Variants in FOXP2 observed in about 807,000 individuals in gnomAD.
The protein encoded by FOXP2 is forkhead box protein P2.
Under a neutral mutation model 115.8 loss-of-function variants are expected in FOXP2, and 12 were observed. The ratio of observed to expected loss-of-function variants is 0.10; its 90% CI spans 0.07 to 0.17. The LOEUF is 0.17. Ranked by LOEUF, FOXP2 falls within the 10% of genes least tolerant of loss-of-function variation. The pLI is 1.00. For missense variants in FOXP2, 629 were observed against 843.5 expected (o/e 0.75, Z 3.15); for synonymous variants, 328 against 297.7 (o/e 1.10, Z -1.05).
chr7:114,509,830 A>G (rs1797986961), intron 2 of FOXP2, among the ~76,000 whole-genome samples: 2 of 152,054 alleles, frequency 1.3e-5, no homozygotes, highest in Non-Finnish European at 1.5e-5. Context: ...GTCAGCATAT[A>G]GATGCTATTC....
intron 1 of FOXP2, among the ~76,000 whole-genome samples, chr7:114,130,996 G>A (rs76086831): frequency 0.057 from 8,751 of 152,214 alleles, 363 homozygotes; most frequent in Admixed American, 0.086. Context: ...TGTGAACTTC[G>A]CAGAAATGTT....
At chr7:114,195,819 T>G (rs769447478) in intron 1 of FOXP2, among the ~76,000 whole-genome samples, 3 of 152,128 alleles carry the variant, frequency 2.0e-5, no homozygotes, top group Admixed American at 6.6e-5. Flanking sequence ...CAAAATAAAC[T>G]ATTTTGTGAC....
chr7:114,332,608 C>G (rs1370942397), intron 2 of FOXP2, among the ~76,000 whole-genome samples: 1 of 152,082 alleles, frequency 6.6e-6, no homozygotes, highest in Admixed American at 6.6e-5. Context: ...TTCTGAGCAT[C>G]TCTTTTTTAT....
At chr7:114,325,076 T>G (rs1797523897) in intron 2 of FOXP2, among the ~76,000 whole-genome samples, 1 of 152,038 alleles carries the variant, frequency 6.6e-6, no homozygotes, top group African/African-American at 2.4e-5. Context: ...TACATTAAAC[T>G]TTTAGGTATT....
At chr7:114,174,319 T>C (rs1010364097) in intron 1 of FOXP2, among the ~76,000 whole-genome samples, 4 of 152,014 alleles carry the variant, frequency 2.6e-5, no homozygotes, top group Admixed American at 6.6e-5. Context: ...AGGAATGATA[T>C]AGTTGTTGAA....
At chr7:114,092,972 T>C (rs1296565504) in intron 1 of FOXP2, among the ~76,000 whole-genome samples, 2 of 152,172 alleles carry the variant, frequency 1.3e-5, no homozygotes, top group Non-Finnish European at 2.9e-5. Context: ...ACTTGAACTG[T>C]GGCAATAACT....
intron 1 of FOXP2, among the ~76,000 whole-genome samples, chr7:114,104,964 T>G (rs1366535115): frequency 6.6e-6 from 1 of 152,012 alleles, no homozygotes; most frequent in Non-Finnish European, 1.5e-5. Context: ...GGAAAACTGT[T>G]AAAATGCCAA....
At chr7:114,683,806 C>G (rs1808217508) in intron 16 of FOXP2, among the ~76,000 whole-genome samples, 1 of 152,054 alleles carries the variant, frequency 6.6e-6, no homozygotes, top group African/African-American at 2.4e-5. Flanking sequence ...TGTTTTGAGT[C>G]TGAAATGGAA....
intron 2 of FOXP2, among the ~76,000 whole-genome samples, chr7:114,335,538 G>A (rs1370001548): frequency 2.0e-5 from 3 of 151,678 alleles, no homozygotes; most frequent in South Asian, 2.1e-4. Context: ...AAGAAATAAC[G>A]CTGTATCATA....
intron 1 of FOXP2, among the ~76,000 whole-genome samples, chr7:114,176,185 TCTTGTCTTGTCTTGTCTTG>T (rs1793284422): frequency 4.0e-4 from 2 of 4,990 alleles, no homozygotes; most frequent in Admixed American, 4.5e-3. Context: ...TCTTTTCTTG[TCTTGTCTTGTCTTGTCTTG>T]TCTTGTCTTG....
At chr7:114,137,043 A>C (rs1792060249) in intron 1 of FOXP2, among the ~76,000 whole-genome samples, 1 of 152,046 alleles carries the variant, frequency 6.6e-6, no homozygotes, top group South Asian at 2.1e-4. Flanking sequence ...AATGTGCTGT[A>C]TGAGTTTGCC....
intron 1 of FOXP2, among the ~76,000 whole-genome samples, chr7:114,114,465 G>C (rs1453255241): frequency 6.6e-6 from 1 of 151,996 alleles, no homozygotes; most frequent in Non-Finnish European, 1.5e-5. Context: ...GAAATTAAAA[G>C]ATATACCATC....
chr7:114,404,452 T>C (rs1224142941), intron 2 of FOXP2, among the ~76,000 whole-genome samples: 1 of 151,970 alleles, frequency 6.6e-6, no homozygotes, highest in African/African-American at 2.4e-5. Context: ...TAGGAGAAAA[T>C]TTTCCCTTAT....
intron 1 of FOXP2, among the ~76,000 whole-genome samples, chr7:114,177,776 T>G (rs962184132): frequency 2.0e-5 from 3 of 152,016 alleles, no homozygotes; most frequent in Non-Finnish European, 4.4e-5. Flanking sequence ...ATTTAACCTA[T>G]GCATTACCAC....
chr7:114,683,740 G>C (rs910574223), intron 16 of FOXP2, among the ~76,000 whole-genome samples: 2 of 152,162 alleles, frequency 1.3e-5, no homozygotes, highest in African/African-American at 4.8e-5. Context: ...AACACAGCCT[G>C]AGTCTCCATG....
chr7:114,110,530 C>T (rs777218655), intron 1 of FOXP2, among the ~76,000 whole-genome samples: 1 of 151,994 alleles, frequency 6.6e-6, no homozygotes, highest in Non-Finnish European at 1.5e-5. Context: ...ATACTCTTTA[C>T]TATTTTTCAG....
intron 1 of FOXP2, among the ~76,000 whole-genome samples, chr7:114,245,305 A>G (rs1238665262): frequency 1.3e-5 from 2 of 152,226 alleles, no homozygotes; most frequent in Non-Finnish European, 2.9e-5. Flanking sequence ...ATAAGTGAAT[A>G]CATGCATATT....
intron 2 of FOXP2, among the ~76,000 whole-genome samples, chr7:114,448,853 T>C (rs527344515): frequency 6.6e-6 from 1 of 152,268 alleles, no homozygotes; most frequent in South Asian, 2.1e-4. Flanking sequence ...GTTAAACTTC[T>C]TTCAGAAACA....
chr7:114,174,215 T>C (rs550476267), intron 1 of FOXP2, among the ~76,000 whole-genome samples: 11 of 152,020 alleles, frequency 7.2e-5, no homozygotes, highest in Non-Finnish European at 1.5e-4. Context: ...TATGTACTTA[T>C]GTGTCTGTTG....
Sources: gnomAD v4.1 joint callset for allele counts (sites outside exome capture counted in the v4.1 genomes callset) on GRCh38, gnomAD v4.1.1 for gene constraint, MANE v1.5 for transcripts, NCBI Gene and HGNC (gene_info 2026-07-23, HGNC 2026-07-21) for gene names.